Variants in LRBA observed in about 807,000 individuals in gnomAD.
LRBA encodes the protein lipopolysaccharide-responsive and beige-like anchor protein.
Under a neutral mutation model 330.0 loss-of-function variants are expected in LRBA, and 176 were observed. The ratio of observed to expected loss-of-function variants is 0.53; its 90% confidence interval spans 0.47 to 0.60. LRBA has a LOEUF of 0.60. LRBA is among the 20% of genes least tolerant of loss of function. The pLI is 0.00. For missense variants in LRBA, 3,259 were observed against 3,444.8 expected (o/e 0.95, Z 1.35); for synonymous variants, 1,230 against 1,193.0 (o/e 1.03, Z -0.64).
At chr4:150,489,503 TAAG>T (rs1205649173) in intron 41 of LRBA, among the ~76,000 whole-genome samples, 3 of 36,626 alleles carry the variant, frequency 8.2e-5, no homozygotes, top group South Asian at 7.7e-4. Flanking sequence ...ATATTATATA[TAAG>T]AATATATAAT....
rs377491385 is a variant in LRBA, at chr4:150,583,510, C to A, written c.6330+4538G>T. The A allele has an allele frequency of 6.9e-5, 112 of 1,613,768 alleles. No individual in the cohort carries two copies. Among genetic ancestry groups the A allele is most frequent in the Non-Finnish European group, 9.2e-5 (109 of 1,180,008 alleles). On this transcript the variant is annotated intron_variant, in intron 40 of 56. Transcript: ENST00000651943. This position sits in a 1 kb window ranked among gnomAD's most constrained non-coding sequence, Gnocchi z 9.8. ...CGCGGACACCAGCGAGGTCAAGTTGCGCATCAGGGAGCGCTATGTGGTGCA... is the reference window on the plus strand; with the variant it reads ...CGCGGACACCAGCGAGGTCAAGTTGAGCATCAGGGAGCGCTATGTGGTGCA...
chr4:150,273,638 GAAAAA>G (rs889876803), intron 56 of LRBA, among the ~76,000 whole-genome samples: 1 of 136,726 alleles, frequency 7.3e-6, no homozygotes, highest in African/African-American at 2.7e-5. Context: ...CAAATGGAAA[GAAAAA>G]AAAAAAGCAG....
Position 150,604,006 on chromosome 4 carries a change from C to G in LRBA, c.5922-4875G>C, listed in dbSNP as rs201955273. Among the ~76,000 whole-genome samples, 5 of 151,932 alleles carry G rather than the reference C, an allele frequency of 3.3e-5. No homozygotes were observed. The East Asian group carries it at 7.7e-4, about 23-fold the overall frequency. On this transcript the variant is annotated intron_variant, in intron 37 of 56. Transcript: ENST00000651943. ...ACAAATGAGAATCATTTGGAAGAGG[C>G]AGAAGTATTAAAACAAAATCAACAA...
chr4:150,878,607 T>A (rs1728010631), intron 17 of LRBA, among the ~76,000 whole-genome samples: 1 of 145,068 alleles, frequency 6.9e-6, no homozygotes. Context: ...CTAGCTAGAT[T>A]AAAAAAAAAA....
chr4:150,981,790 G>C (rs2912481), intron 2 of LRBA, among the ~76,000 whole-genome samples: 147,059 of 152,016 alleles, frequency 0.97, 71,299 homozygotes, highest in Non-Finnish European at 1. Flanking sequence ...GAAACCCTGT[G>C]TCTACTAAAA....
At chr4:150,837,986 G>A (rs749882563) in intron 28 of LRBA, among the ~76,000 whole-genome samples, 1 of 152,122 alleles carries the variant, frequency 6.6e-6, no homozygotes, top group Non-Finnish European at 1.5e-5. Flanking sequence ...GGGCAGGCCT[G>A]GTGGTGACAA....
At chr4:150,451,422 T>C (rs913481238) in intron 44 of LRBA, among the ~76,000 whole-genome samples, 3 of 152,044 alleles carry the variant, frequency 2.0e-5, no homozygotes, top group Non-Finnish European at 2.9e-5. Context: ...AATCCCCAAA[T>C]ACATGGTAAC....
chr4:150,785,522 C>T (rs939336508), intron 34 of LRBA, among the ~76,000 whole-genome samples: 1 of 152,168 alleles, frequency 6.6e-6, no homozygotes. Context: ...CTTGTCAAGG[C>T]TAGTTTGGCC....
chr4:150,817,409 A>G (rs923494983), intron 30 of LRBA, 152 bp from the exon 31 acceptor site: 48 of 666,102 alleles, frequency 7.2e-5, no homozygotes, highest in African/African-American at 6.7e-4. Flanking sequence ...TTCACCCAAC[A>G]TGAAATATCT....
At chr4:150,888,766 G>A (rs941537642) in intron 17 of LRBA, among the ~76,000 whole-genome samples, 8 of 152,098 alleles carry the variant, frequency 5.3e-5, no homozygotes, top group Non-Finnish European at 1.0e-4. Flanking sequence ...TAAAATGGTA[G>A]ATGAAAATAA....
Position 150,868,172 on chromosome 4 carries a change from T to C in LRBA, c.2573+10A>G. 1 of 1,602,442 alleles carries C rather than the reference T, an allele frequency of 6.2e-7. No homozygotes were observed. Among genetic ancestry groups the C allele is most frequent in the Non-Finnish European group, 8.5e-7 (1 of 1,175,752 alleles). On this transcript the variant is annotated intron_variant, in intron 21 of 56. Coordinates refer to ENST00000651943, the MANE Select transcript of LRBA (RefSeq NM_001364905.1). ...AATACTGCAAATAAATGCTTTCTGA[T>C]TCAGCTTACCTCCTGTTTTCTCTAC...
intron 31 of LRBA, among the ~76,000 whole-genome samples, chr4:150,812,025 A>C (rs2126742370): frequency 6.6e-6 from 1 of 152,294 alleles, no homozygotes; most frequent in East Asian, 1.9e-4. Context: ...CGGATAATAA[A>C]TTAACCAGCA....
intron 40 of LRBA, among the ~76,000 whole-genome samples, chr4:150,585,049 T>C (rs1305623873): frequency 1.3e-5 from 2 of 152,206 alleles, no homozygotes; most frequent in African/African-American, 4.8e-5. Flanking sequence ...TGCTTTCTTA[T>C]GCCATAATTT....
At chr4:150,999,069 A>ATGT (rs1743035484) in intron 2 of LRBA, among the ~76,000 whole-genome samples, 1 of 152,198 alleles carries the variant, frequency 6.6e-6, no homozygotes, top group African/African-American at 2.4e-5. Flanking sequence ...AAATATAACA[A>ATGT]AAAATACTTT....
In LRBA at chr4:150,916,513, T is replaced by C. The variant is rs375175981; in HGVS notation, c.782A>G (p.Lys261Arg). ...AAAATGAGCAGAATAGCCAAGACCTTTGCTGGTTCTGAAACTATAAAGAAT... is the reference window on the plus strand; with the variant it reads ...AAAATGAGCAGAATAGCCAAGACCTCTGCTGGTTCTGAAACTATAAAGAAT... Reference protein sequence around the residue: ...KPYLYCFRTSKGLGYSAHFVG... With the variant: ...KPYLYCFRTSRGLGYSAHFVG... The change falls in exon 7 of 57, where the codon AAA (lysine) becomes AGA (arginine). Residue 261 changes from lysine (K) to arginine (R), a missense_variant. Transcript: ENST00000651943. 2.7e-5 allele frequency: 43 copies of C among 1,613,102 alleles called. No individual in the cohort carries two copies. Among genetic ancestry groups the C allele is most frequent in the Non-Finnish European group, 3.6e-5 (43 of 1,179,766 alleles).
At position 150,590,646 on chromosome 4, in the gene LRBA, AAAGT is replaced by A. The variant is rs1339375435; in HGVS notation, c.6193+63_6193+66del. 32 of 1,462,078 alleles carry A rather than the reference AAAGT, an allele frequency of 2.2e-5. No homozygotes were observed. The East Asian group carries it at 3.9e-4, about 18-fold the overall frequency. 90.6% of individuals were successfully genotyped at this position (1,462,078 alleles called of 1,614,324 possible). On this transcript the variant is annotated intron_variant, in intron 39 of 56. Transcript: ENST00000651943. ...GGTAGTCCTAGTGGTCACAGCTGAA[AAAGT>A]AAGTAATTATATGCTTATTGTCCCA...
At chr4:150,745,942 C>G (rs554212697) in intron 35 of LRBA, among the ~76,000 whole-genome samples, 3 of 152,152 alleles carry the variant, frequency 2.0e-5, no homozygotes, top group Admixed American at 2.0e-4. Flanking sequence ...TGATGTTTCA[C>G]TCATTTTTCT....
chr4:150,997,920 T>G (rs940047595), intron 2 of LRBA, among the ~76,000 whole-genome samples: 2 of 152,114 alleles, frequency 1.3e-5, no homozygotes, highest in African/African-American at 4.8e-5. Context: ...GCCAGGCTGG[T>G]CTCCGACTCC....
chr4:150,722,412 G>C (rs944853022), intron 36 of LRBA, among the ~76,000 whole-genome samples: 15 of 151,856 alleles, frequency 9.9e-5, no homozygotes, highest in African/African-American at 3.6e-4. Context: ...AAAATGAAGA[G>C]TGAGTATTGA....
Sources: allele counts gnomAD v4.1 joint callset (sites outside exome capture counted in the v4.1 genomes callset), GRCh38; gene constraint gnomAD v4.1.1; non-coding constraint Gnocchi (gnomAD v3.1); transcripts MANE v1.5; gene names NCBI Gene and HGNC (gene_info 2026-07-23, HGNC 2026-07-21).